The following RGS12 variants were observed in gnomAD, a reference collection of about 807,000 sequenced individuals.
RGS12 encodes the protein regulator of G protein signaling 12.
Under a neutral mutation model 120.1 loss-of-function variants are expected in RGS12, and 66 were observed. That is an observed-to-expected ratio of 0.55 (90% confidence interval 0.45 to 0.67). The LOEUF is 0.67. Among genes scored for constraint, RGS12 ranks in the 30% least tolerant of loss-of-function variants. The probability of loss-of-function intolerance (pLI) is 0.00; values close to 1 mark genes in which losing one functional copy is unlikely to be tolerated. For missense variants in RGS12, 1,859 were observed against 1,957.7 expected, an observed-to-expected ratio of 0.95 and a Z score of 0.95; for synonymous variants, 827 against 804.7, an observed-to-expected ratio of 1.03 and a Z score of -0.47.
chr4:3,295,641 CAA>C (rs1479443384), intron 1 of RGS12, among the ~76,000 whole-genome samples: 2 of 105,872 alleles, frequency 1.9e-5, no homozygotes, highest in East Asian at 3.2e-4. Context: ...GCCTGGGTGA[CAA>C]GAGCAAAACT....
rs750287945 is a variant in RGS12, at chr4:3,430,704, C to T, written c.3863C>T (p.Thr1288Ile). The T allele has an allele frequency of 9.6e-6, 15 of 1,558,150 alleles. No individual in the cohort carries two copies. Among genetic ancestry groups the T allele is most frequent in the Non-Finnish European group, 1.3e-5 (15 of 1,151,288 alleles). Residue 1288 changes from threonine (T) to isoleucine (I), a missense_variant, in exon 17 of 18, where the codon ACC becomes ATC. By Grantham distance (89) the Thr-to-Ile change is moderately conservative. Coordinates refer to ENST00000336727, the MANE Select transcript of RGS12 (RefSeq NM_001394154.1). ...AGCCCCCCTGGACCTCCTGGGACGA[C>T]CCCCCCCGGGCAGAAGTCTCCCAGC... is the stretch of plus-strand genomic sequence containing the variant. ...ASSPPGPPGT[T>I]PPGQKSPSGP...
At position 3,317,608 on chromosome 4, in the gene RGS12, C is replaced by T. The variant is rs754859903; in HGVS notation, c.1438C>T (p.Pro480Ser). ...CTGGACTGGGCCCTTCTGTCCGGACCCCGAAGGGAGCCCCCCATTTGAGGC... is the reference window on the plus strand; with the variant it reads ...CTGGACTGGGCCCTTCTGTCCGGACTCCGAAGGGAGCCCCCCATTTGAGGC... ...APWTGPFCPD[P>S]EGSPPFEAAH... Residue 480 changes from proline to serine, a missense_variant, in exon 2 of 18, where the codon CCC becomes TCC. Pro to Ser is a moderately conservative substitution (Grantham distance 74). This residue lies in a region of RGS12 where 967 missense variants were observed against 994.2 expected (regional missense o/e 0.97). Transcript: ENST00000336727. 16 of 1,586,582 alleles carry T rather than the reference C, an allele frequency of 1.0e-5. No individual in the cohort carries two copies. The highest frequency in any genetic ancestry group is 1.4e-5 in the Non-Finnish European group (16 of 1,165,484).
intron 4 of RGS12, among the ~76,000 whole-genome samples, chr4:3,406,531 G>A (rs1721146535): frequency 6.6e-6 from 1 of 152,238 alleles, no homozygotes; most frequent in African/African-American, 2.4e-5. Context: ...GTAATGAAGT[G>A]TCAGTGGGAT....
chr4:3,371,260 C>T lies in RGS12; in HGVS notation c.1999-15156C>T, dbSNP rs1317947398. On this transcript the variant is annotated intron_variant, in intron 3 of 17. Transcript: ENST00000336727. ...AGGCTCGGGGAGCAGCTCTGGTCTTCTTTGGGGCGTGCCTGCCGCGGGCCG... is the reference window on the plus strand; with the variant it reads ...AGGCTCGGGGAGCAGCTCTGGTCTTTTTTGGGGCGTGCCTGCCGCGGGCCG... Among the ~76,000 whole-genome samples, 3 of 152,174 alleles carry T rather than the reference C, an allele frequency of 2.0e-5. No individual in the cohort carries two copies. In the East Asian group the frequency reaches 5.8e-4, roughly 29 times the overall value.
intron 3 of RGS12, among the ~76,000 whole-genome samples, chr4:3,369,296 C>G (rs948434273): frequency 6.6e-6 from 1 of 152,230 alleles, no homozygotes; most frequent in African/African-American, 2.4e-5. Flanking sequence ...ATTTCTGAAA[C>G]GAAGTGTGTG....
At chr4:3,396,921 T>C in intron 4 of RGS12, among the ~76,000 whole-genome samples, 1 of 152,196 alleles carries the variant, frequency 6.6e-6, no homozygotes, top group Non-Finnish European at 1.5e-5. Flanking sequence ...GGGGTTTTTT[T>C]TTTTTAATTG....
chr4:3,374,649 T>G lies in RGS12; in HGVS notation c.1999-11767T>G, dbSNP rs948330128. ...CCCTTCTGCTTGAGCCCACACCCTC[T>G]GATACTCCACGTCAGCAAGCTCCTG... On this transcript the variant is annotated intron_variant, in intron 3 of 17. Coordinates refer to ENST00000336727, the MANE Select transcript of RGS12 (RefSeq NM_001394154.1). The surrounding 1 kb of genome is among the most constrained non-coding windows in gnomAD (Gnocchi z 6.3). Among the ~76,000 whole-genome samples the G allele has an allele frequency of 3.3e-5, 5 of 151,948 alleles. No individual in the cohort carries two copies. Among genetic ancestry groups the G allele is most frequent in the African/African-American group, 1.2e-4 (5 of 41,366 alleles).
intron 4 of RGS12, chr4:3,413,237 T>C (rs1020324183): frequency 6.6e-6 from 1 of 152,208 alleles, no homozygotes; most frequent in African/African-American, 2.4e-5. Context: ...ACAAGGGTGA[T>C]GAACGGGGAT....
At chr4:3,399,951 C>T (rs73193388) in intron 4 of RGS12, among the ~76,000 whole-genome samples, 22,351 of 152,238 alleles carry the variant, frequency 0.15, 1,939 homozygotes, top group South Asian at 0.35. Flanking sequence ...AGGGAAAAGA[C>T]GGCAGGGCAG....
intron 3 of RGS12, among the ~76,000 whole-genome samples, chr4:3,346,465 G>A (rs940604389): frequency 1.3e-5 from 2 of 152,186 alleles, no homozygotes; most frequent in Non-Finnish European, 2.9e-5. Flanking sequence ...TGTGGTCTAA[G>A]TGTCTCTGGT....
At chr4:3,423,764 C>G in intron 13 of RGS12, 123 bp downstream of exon 13, 2 of 1,299,982 alleles carry the variant, frequency 1.5e-6, no homozygotes, top group Non-Finnish European at 2.1e-6. Context: ...ATCTGGTTGT[C>G]CCCCTTGGAG....
chr4:3,384,245 C>A (rs1718576457), intron 3 of RGS12, among the ~76,000 whole-genome samples: 1 of 152,204 alleles, frequency 6.6e-6, no homozygotes, highest in Non-Finnish European at 1.5e-5. Context: ...ACCTCTACCT[C>A]CCGGGTTCAA....
chr4:3,410,869 G>A (rs980895648), intron 4 of RGS12, among the ~76,000 whole-genome samples: 5 of 152,204 alleles, frequency 3.3e-5, no homozygotes, highest in African/African-American at 1.2e-4. Context: ...TCTTCTTGGC[G>A]TTTAGGTGCT....
chr4:3,297,633 A>G (rs1723455671), intron 1 of RGS12, among the ~76,000 whole-genome samples: 1 of 152,208 alleles, frequency 6.6e-6, no homozygotes, highest in Non-Finnish European at 1.5e-5. Flanking sequence ...GTGGATTAGC[A>G]TCTTCTAGTC....
chr4:3,420,037 A>C (rs1335288615), intron 9 of RGS12, among the ~76,000 whole-genome samples: 1 of 152,176 alleles, frequency 6.6e-6, no homozygotes, highest in African/African-American at 2.4e-5. Context: ...GTGCTGTTTG[A>C]AAAGTCCTGT....
intron 2 of RGS12, chr4:3,342,281 C>T (rs1158318946): frequency 2.5e-5 from 13 of 514,334 alleles, no homozygotes; most frequent in Admixed American, 5.4e-5. Flanking sequence ...TAAGAGGTGG[C>T]GACTGATTTG....
At position 3,317,943 on chromosome 4, in the gene RGS12, G is replaced by A. The variant is rs776498929; in HGVS notation, c.1773G>A (p.Ala591=). Residue 591 remains alanine, a synonymous_variant, in exon 2 of 18, where the codon GCG becomes GCA. Coordinates refer to ENST00000336727, the MANE Select transcript of RGS12 (RefSeq NM_001394154.1). ...GCTACAGGGTGGAGGGCAGCTTCGCGCAGCCCCCGCTGAATGCCCCGAAGA... is the reference window on the plus strand; with the variant it reads ...GCTACAGGGTGGAGGGCAGCTTCGCACAGCCCCCGCTGAATGCCCCGAAGA... ...ADRYRVEGSF[A]QPPLNAPKRE... The A allele has an allele frequency of 2.4e-5, 38 of 1,614,070 alleles. No individual in the cohort carries two copies. Among genetic ancestry groups the A allele is most frequent in the Non-Finnish European group, 2.7e-5 (32 of 1,180,042 alleles).
chr4:3,352,112 T>G (rs553287983), intron 3 of RGS12, among the ~76,000 whole-genome samples: 1 of 152,248 alleles, frequency 6.6e-6, no homozygotes, highest in East Asian at 1.9e-4. Context: ...AAACCGGGTG[T>G]GCAGAACCAG....
chr4:3,368,610 C>A (rs1177499468), intron 3 of RGS12, among the ~76,000 whole-genome samples: 2 of 79,246 alleles, frequency 2.5e-5, no homozygotes, highest in Non-Finnish European at 4.7e-5. Context: ...GTGTGGGTAC[C>A]TGTGTGTGGG....
Sources: gnomAD v4.1 joint callset for allele counts (sites outside exome capture counted in the v4.1 genomes callset) on GRCh38, gnomAD v4.1.1 for gene constraint, gnomAD v4.1.1 regional missense constraint, Gnocchi (gnomAD v3.1) non-coding constraint, MANE v1.5 for transcripts, NCBI Gene and HGNC (gene_info 2026-07-23, HGNC 2026-07-21) for gene names.